ADAMTSL3: variants seen among roughly 807,000 people sequenced by gnomAD.
ADAMTSL3 encodes the protein ADAMTS-like protein 3.
In ADAMTSL3, 128 loss-of-function variants were observed where a neutral mutation model predicts 201.7. That is an observed-to-expected ratio of 0.63 (90% CI 0.55 to 0.73). The LOEUF (loss-of-function observed/expected upper bound fraction) is 0.73, where lower values mean the gene tolerates loss of function less well. Among genes scored for constraint, ADAMTSL3 ranks in the 30% least tolerant of loss-of-function variants. The pLI, the probability that ADAMTSL3 is intolerant of heterozygous loss-of-function variation, is 0.00. For synonymous variants in ADAMTSL3, 738 were observed against 748.4 expected (o/e 0.99, Z 0.23); for missense variants, 1,990 against 2,119.6 (o/e 0.94, Z 1.20).
intron 15 of ADAMTSL3, among the ~76,000 whole-genome samples, chr15:83,906,770 A>G (rs1267090830): frequency 4.8e-4 from 73 of 152,046 alleles, no homozygotes; most frequent in Non-Finnish European, 8.8e-5. Context: ...ATTTTCAAAT[A>G]TGATAATTTT....
At chr15:84,002,290 AT>A (rs2067805044) in intron 23 of ADAMTSL3, among the ~76,000 whole-genome samples, 3 of 152,212 alleles carry the variant, frequency 2.0e-5, no homozygotes, top group Admixed American at 1.3e-4. Flanking sequence ...ATGGGTCTAC[AT>A]GTATTGAGTG....
intron 2 of ADAMTSL3, among the ~76,000 whole-genome samples, chr15:83,676,110 C>G (rs1360015107): frequency 6.6e-6 from 1 of 150,576 alleles, no homozygotes; most frequent in East Asian, 1.9e-4. Flanking sequence ...GAATTTTGCT[C>G]TTTATTATTT....
chr15:83,672,356 A>G (rs1262597570), intron 2 of ADAMTSL3, among the ~76,000 whole-genome samples: 1 of 152,202 alleles, frequency 6.6e-6, no homozygotes, highest in Non-Finnish European at 1.5e-5. Context: ...TCTGGAAGAT[A>G]GGACTCAAAG....
At chr15:83,931,933 C>T (rs1319021918) in intron 17 of ADAMTSL3, among the ~76,000 whole-genome samples, 2 of 152,086 alleles carry the variant, frequency 1.3e-5, no homozygotes, top group Non-Finnish European at 2.9e-5. Context: ...AAACTGTTTA[C>T]TAAAACTTAG....
At chr15:83,960,324 A>G (rs896127408) in intron 19 of ADAMTSL3, among the ~76,000 whole-genome samples, 11 of 152,198 alleles carry the variant, frequency 7.2e-5, no homozygotes, top group Non-Finnish European at 1.5e-4. Flanking sequence ...ACTATAAATT[A>G]AGAAACACAC....
intron 9 of ADAMTSL3, among the ~76,000 whole-genome samples, chr15:83,880,922 C>G (rs1389569284): frequency 1.3e-5 from 2 of 150,786 alleles, no homozygotes; most frequent in African/African-American, 2.4e-5. Flanking sequence ...TTTTTTTTCA[C>G]TTTTTTGGGT....
intron 12 of ADAMTSL3, 138 bp downstream of exon 12, chr15:83,891,517 C>T (rs1390348427): frequency 1.4e-5 from 9 of 656,896 alleles, no homozygotes; most frequent in Non-Finnish European, 2.1e-5. Flanking sequence ...GACTTCTACT[C>T]AATAATAGGA....
intron 2 of ADAMTSL3, among the ~76,000 whole-genome samples, chr15:83,691,906 G>A (rs565567218): frequency 2.0e-5 from 3 of 152,262 alleles, no homozygotes; most frequent in Admixed American, 6.5e-5. Flanking sequence ...GAACCACGGC[G>A]CCCAGCGTCC....
intron 6 of ADAMTSL3, among the ~76,000 whole-genome samples, chr15:83,829,381 A>G (rs1417158747): frequency 2.0e-5 from 3 of 152,034 alleles, no homozygotes; most frequent in South Asian, 4.1e-4. Context: ...TATCCCCTTT[A>G]TCATTTTTTA....
chr15:83,657,008 G>A (rs75821416), intron 2 of ADAMTSL3, among the ~76,000 whole-genome samples: 2 of 152,020 alleles, frequency 1.3e-5, no homozygotes, highest in Non-Finnish European at 2.9e-5. Context: ...CCATTTTATC[G>A]ATACTATCCC....
intron 20 of ADAMTSL3, among the ~76,000 whole-genome samples, chr15:83,973,052 A>G (rs867123722): frequency 4.6e-5 from 7 of 152,224 alleles, no homozygotes; most frequent in Non-Finnish European, 7.4e-5. Context: ...ACACACCACC[A>G]CCAGGACCAT....
chr15:83,670,351 C>T (rs1487252597), intron 2 of ADAMTSL3, among the ~76,000 whole-genome samples: 2 of 151,092 alleles, frequency 1.3e-5, no homozygotes, highest in African/African-American at 4.9e-5. Context: ...CTATCTCACT[C>T]ATAATCCTAA....
intron 23 of ADAMTSL3, among the ~76,000 whole-genome samples, chr15:84,005,953 T>C (rs1184611823): frequency 6.6e-6 from 1 of 152,248 alleles, no homozygotes; most frequent in Non-Finnish European, 1.5e-5. Flanking sequence ...GAGACAGTTC[T>C]GGATATGGCA....
In ADAMTSL3 at chr15:83,870,808, A is replaced by C; in HGVS notation, c.809A>C (p.Glu270Ala). 1 of 1,571,310 alleles carries C rather than the reference A, an allele frequency of 6.4e-7. No homozygotes were observed. Among genetic ancestry groups the C allele is most frequent in the Non-Finnish European group, 8.6e-7 (1 of 1,165,154 alleles). ...TCATATATTTTAATTTTAGTTATTG[A>C]ATCAAAAACACTTCAAGGAAGCAAA... ...TVKGPAHLFI[E>A]SKTLQGSKGE... The change falls in exon 9 of 30, where the codon GAA becomes GCA. Residue 270 changes from glutamate (E) to alanine (A), a missense_variant. Glu to Ala is a moderately radical substitution (Grantham distance 107, BLOSUM62 -1). Coordinates refer to ENST00000286744, the MANE Select transcript of ADAMTSL3 (RefSeq NM_207517.3).
intron 4 of ADAMTSL3, among the ~76,000 whole-genome samples, chr15:83,776,257 C>T (rs1399985205): frequency 6.6e-6 from 1 of 152,158 alleles, no homozygotes; most frequent in Non-Finnish European, 1.5e-5. Context: ...TCAATGAAAT[C>T]CTCAGAAGTT....
chr15:83,674,988 A>G (rs1033764626), intron 2 of ADAMTSL3, among the ~76,000 whole-genome samples: 15 of 151,748 alleles, frequency 9.9e-5, no homozygotes, highest in African/African-American at 3.4e-4. Flanking sequence ...TACATATTCT[A>G]TATTTTTTTG....
intron 6 of ADAMTSL3, among the ~76,000 whole-genome samples, chr15:83,822,420 G>T (rs1385751941): frequency 2.1e-5 from 3 of 142,496 alleles, no homozygotes; most frequent in African/African-American, 8.1e-5. Flanking sequence ...CGGGCGGAGG[G>T]TCTCCTCACT....
At chr15:83,855,237 A>C (rs2064706372) in intron 7 of ADAMTSL3, among the ~76,000 whole-genome samples, 1 of 152,206 alleles carries the variant, frequency 6.6e-6, no homozygotes, top group Admixed American at 6.6e-5. Flanking sequence ...CCACATAGAC[A>C]TGCGGTCTTC....
At chr15:83,928,750 C>T (rs1356304632) in intron 17 of ADAMTSL3, among the ~76,000 whole-genome samples, 1 of 152,172 alleles carries the variant, frequency 6.6e-6, no homozygotes, top group Non-Finnish European at 1.5e-5. Flanking sequence ...GCATTACAAC[C>T]ACAATTATGT....
Sources: gnomAD v4.1 joint callset for allele counts (sites outside exome capture counted in the v4.1 genomes callset) on GRCh38, gnomAD v4.1.1 for gene constraint, MANE v1.5 for transcripts, NCBI Gene and HGNC (gene_info 2026-07-23, HGNC 2026-07-21) for gene names.